NTRK3: variants seen among roughly 807,000 people sequenced by gnomAD.
NTRK3 encodes the protein NT-3 growth factor receptor.
In NTRK3, 24 loss-of-function variants were observed where a neutral mutation model predicts 91.7. The ratio of observed to expected loss-of-function variants is 0.26; its 90% CI spans 0.19 to 0.37. The LOEUF is 0.37. NTRK3 is among the 10% of genes least tolerant of loss of function. The probability of loss-of-function intolerance (pLI) is 1.00; values close to 1 mark genes in which losing one functional copy is unlikely to be tolerated. For missense variants in NTRK3, 880 were observed against 1,068.9 expected, an observed-to-expected ratio of 0.82 and a Z score of 2.46; for synonymous variants, 483 against 404.0, an observed-to-expected ratio of 1.20 and a Z score of -2.34.
intron 13 of NTRK3, among the ~76,000 whole-genome samples, chr15:88,076,466 C>T (rs2047552881): frequency 2.0e-5 from 3 of 152,104 alleles, no homozygotes; most frequent in Admixed American, 2.0e-4. Context: ...ACTACATCAT[C>T]CTCTAATCCC....
At chr15:88,107,327 C>T (rs915973107) in intron 13 of NTRK3, among the ~76,000 whole-genome samples, 13 of 152,072 alleles carry the variant, frequency 8.5e-5, no homozygotes, top group Non-Finnish European at 1.8e-4. Context: ...CCTGTAGTCC[C>T]AGCTACTCAG....
chr15:87,988,939 A>G (rs2075068103), intron 14 of NTRK3, among the ~76,000 whole-genome samples: 1 of 151,626 alleles, frequency 6.6e-6, no homozygotes, highest in Non-Finnish European at 1.5e-5. Context: ...TTTTTTTTAG[A>G]GAGGGTCTGG....
At chr15:88,211,350 C>A (rs2049229639) in intron 3 of NTRK3, among the ~76,000 whole-genome samples, 1 of 152,206 alleles carries the variant, frequency 6.6e-6, no homozygotes, top group Non-Finnish European at 1.5e-5. Flanking sequence ...AAATGTCACT[C>A]TTTTATGGCT....
chr15:88,238,330 C>A (rs560056578), intron 3 of NTRK3, among the ~76,000 whole-genome samples: 1 of 151,920 alleles, frequency 6.6e-6, no homozygotes, highest in Non-Finnish European at 1.5e-5. Flanking sequence ...ATCTTTTTAT[C>A]GCTTAGGGCT....
At chr15:88,141,339 G>A (rs1031319921) in intron 6 of NTRK3, among the ~76,000 whole-genome samples, 6 of 152,160 alleles carry the variant, frequency 3.9e-5, no homozygotes, top group South Asian at 2.1e-4. Flanking sequence ...TGTCTTCCAC[G>A]CATTTCTTCA....
chr15:87,868,148 T>C (rs1301861471), exon 19 of NTRK3: 2 of 231,742 alleles, frequency 8.6e-6, no homozygotes, highest in Non-Finnish European at 1.7e-5. Context: ...CCAGTAGGAT[T>C]GTGGAGGCTT....
chr15:87,972,908 C>G (rs1276713268), intron 14 of NTRK3, among the ~76,000 whole-genome samples: 1 of 152,202 alleles, frequency 6.6e-6, no homozygotes, highest in East Asian at 1.9e-4. Context: ...TCTGAGCCAT[C>G]AGTACCTTCT....
chr15:88,043,604 C>G (rs1267352883), intron 13 of NTRK3, among the ~76,000 whole-genome samples: 5 of 152,168 alleles, frequency 3.3e-5, no homozygotes, highest in African/African-American at 1.2e-4. Context: ...GATTTCAACA[C>G]CAAAGCCAAG....
intron 13 of NTRK3, among the ~76,000 whole-genome samples, chr15:88,056,535 G>T (rs565140244): frequency 4.6e-5 from 7 of 152,276 alleles, no homozygotes; most frequent in African/African-American, 1.7e-4. Flanking sequence ...TTGATGCTGA[G>T]ATCATAATTT....
At position 87,865,872 on chromosome 15, in the gene NTRK3, T is replaced by G. The variant is rs530230638; in HGVS notation, c.*11063A>C. The G allele has an allele frequency of 1.1e-3, 250 of 229,222 alleles. 1 individual carries two copies. Among genetic ancestry groups the G allele is most frequent in the African/African-American group, 5.3e-3 (238 of 45,218 alleles). 14.2% of individuals were successfully genotyped at this position (229,222 alleles called of 1,614,324 possible). ...TAGAGCATTCTCCATCACTAGATACTCAAAGCAAAAAATGCTAATGGCAAA... is the reference window on the plus strand; with the variant it reads ...TAGAGCATTCTCCATCACTAGATACGCAAAGCAAAAAATGCTAATGGCAAA... On this transcript the variant is annotated 3_prime_UTR_variant, in exon 19 of 19. Transcript: ENST00000394480.
At chr15:87,967,829 C>T (rs2072920044) in intron 14 of NTRK3, among the ~76,000 whole-genome samples, 1 of 152,166 alleles carries the variant, frequency 6.6e-6, no homozygotes. Flanking sequence ...TGCTTTAAGT[C>T]AACACCCATG....
intron 13 of NTRK3, among the ~76,000 whole-genome samples, chr15:88,047,403 T>C (rs931925972): frequency 7.2e-5 from 11 of 152,036 alleles, no homozygotes; most frequent in South Asian, 2.1e-4. Context: ...GGAGATTCTA[T>C]AGTAGTGAGT....
intron 17 of NTRK3, among the ~76,000 whole-genome samples, chr15:87,904,987 A>G (rs892778036): frequency 4.6e-5 from 7 of 152,244 alleles, no homozygotes; most frequent in African/African-American, 1.7e-4. Flanking sequence ...TCAAGTATCA[A>G]AATGACGGGG....
chr15:87,990,732 T>C (rs1000446648), intron 14 of NTRK3, among the ~76,000 whole-genome samples: 14 of 152,166 alleles, frequency 9.2e-5, no homozygotes, highest in Non-Finnish European at 2.9e-5. Context: ...GCTGTTATAT[T>C]CCCTTTTGTA....
chr15:88,113,671 G>A (rs1217313085), intron 13 of NTRK3, among the ~76,000 whole-genome samples: 1 of 152,066 alleles, frequency 6.6e-6, no homozygotes, highest in Non-Finnish European at 1.5e-5. Context: ...ATGGCCTGCA[G>A]GCCAAATCTG....
intron 3 of NTRK3, among the ~76,000 whole-genome samples, chr15:88,227,479 G>A (rs1163801130): frequency 1.3e-5 from 2 of 152,124 alleles, no homozygotes; most frequent in Non-Finnish European, 2.9e-5. Flanking sequence ...GAGGAAATGT[G>A]GGCAGGTGAA....
intron 17 of NTRK3, among the ~76,000 whole-genome samples, chr15:87,893,550 C>G (rs1379389703): frequency 1.3e-5 from 2 of 152,200 alleles, no homozygotes; most frequent in Non-Finnish European, 2.9e-5. Flanking sequence ...TTGTCTTGCT[C>G]ATTTCCATTG....
exon 19 of NTRK3, chr15:87,867,556 T>C: frequency 4.4e-6 from 1 of 229,784 alleles, no homozygotes. Context: ...GCTTGCCCCA[T>C]CTCTGGAATT....
At chr15:88,075,123 T>G (rs16941218) in intron 13 of NTRK3, among the ~76,000 whole-genome samples, 1,610 of 152,276 alleles carry the variant, frequency 0.011, 37 homozygotes, top group African/African-American at 0.037. Context: ...GGAACCTACA[T>G]GTAAACTGTA....
Sources: gnomAD v4.1 joint callset for allele counts (sites outside exome capture counted in the v4.1 genomes callset) on GRCh38, gnomAD v4.1.1 for gene constraint, MANE v1.5 for transcripts, NCBI Gene and HGNC (gene_info 2026-07-23, HGNC 2026-07-21) for gene names.